Variants in EXOC6B observed in about 807,000 individuals in gnomAD.
The protein encoded by EXOC6B is exocyst complex component 6B, also known as SEC15 homolog B.
A neutral mutation model predicts 113.5 loss-of-function variants in EXOC6B; 54 were observed. The ratio of observed to expected loss-of-function variants is 0.48; its 90% CI spans 0.38 to 0.60. The LOEUF is 0.60. Among genes scored for constraint, EXOC6B ranks in the 20% least tolerant of loss-of-function variants. EXOC6B has a pLI of 0.00. For synonymous variants in EXOC6B, 357 were observed against 339.0 expected (o/e 1.05, Z -0.58); for missense variants, 797 against 977.5 (o/e 0.82, Z 2.46).
In EXOC6B at chr2:72,718,322, G is replaced by C; in HGVS notation, c.465-15C>G. ...CAGGATAATGCCTACAAAAGGAATT[G>C]ATCACCTTTAGCTCACTCAGTTTTC... is the stretch of plus-strand genomic sequence containing the variant. On this transcript the variant is annotated splice_polypyrimidine_tract_variant and intron_variant, in intron 5 of 21. Transcript: ENST00000272427. 6.2e-7 allele frequency: 1 copy of C among 1,611,606 alleles called. No homozygotes were observed. The highest frequency in any genetic ancestry group is 8.5e-7 in the Non-Finnish European group (1 of 1,178,170).
intron 18 of EXOC6B, among the ~76,000 whole-genome samples, chr2:72,403,111 G>A (rs1039413234): frequency 2.6e-5 from 4 of 152,188 alleles, no homozygotes; most frequent in African/African-American, 7.2e-5. Flanking sequence ...TGAAAGATTA[G>A]GGTCTATTTA....
intron 21 of EXOC6B, among the ~76,000 whole-genome samples, chr2:72,180,927 C>T (rs908925609): frequency 7.9e-5 from 12 of 152,238 alleles, no homozygotes; most frequent in East Asian, 1.9e-4. Context: ...AGAATTCTTT[C>T]GGCTGGGCGC....
intron 1 of EXOC6B, among the ~76,000 whole-genome samples, chr2:72,771,632 C>G (rs1683408532): frequency 6.6e-6 from 1 of 152,008 alleles, no homozygotes; most frequent in Non-Finnish European, 1.5e-5. Context: ...TTCTTTTTAT[C>G]TAAACAAGCA....
rs1675965345 is a variant in EXOC6B, at chr2:72,672,511, C to T, written c.669+45592G>A. ...GCAGTGAGTCGAGATCGCGCCACTG[C>T]ACTCCAGCCTGGGGGACAGAGCGAG... On this transcript the variant is annotated intron_variant, in intron 6 of 21. Coordinates refer to ENST00000272427, the MANE Select transcript of EXOC6B (RefSeq NM_015189.3). 5.1e-5 allele frequency among the ~76,000 whole-genome samples: 7 copies of T among 138,218 alleles called. 1 individual carries two copies. Among genetic ancestry groups the T allele is most frequent in the Non-Finnish European group, 1.5e-5 (1 of 65,950 alleles). 90.7% of individuals were successfully genotyped at this position (138,218 alleles called of 152,430 possible). A position where few individuals can be genotyped will look rare whatever the true frequency, so the allele number is the denominator to read the frequency against.
chr2:72,461,292 G>A (rs1004100538), intron 18 of EXOC6B, among the ~76,000 whole-genome samples: 14 of 150,012 alleles, frequency 9.3e-5, no homozygotes, highest in Admixed American at 2.7e-4. Context: ...ACACCAGCAC[G>A]GCACATGTAT....
intron 19 of EXOC6B, among the ~76,000 whole-genome samples, chr2:72,342,232 T>C (rs563082843): frequency 1.3e-5 from 2 of 151,680 alleles, no homozygotes; most frequent in South Asian, 4.2e-4. Flanking sequence ...AAGAACCAAC[T>C]AAGCACAACG....
At chr2:72,718,496 CA>C (rs1298148345) in intron 5 of EXOC6B, among the ~76,000 whole-genome samples, 189 bp from the exon 6 acceptor site, 1 of 151,996 alleles carries the variant, frequency 6.6e-6, no homozygotes, top group Non-Finnish European at 1.5e-5. Context: ...AAATTATAAT[CA>C]AAAAAAGATT....
At chr2:72,803,807 A>C (rs902728706) in intron 1 of EXOC6B, among the ~76,000 whole-genome samples, 1 of 152,156 alleles carries the variant, frequency 6.6e-6, no homozygotes, top group African/African-American at 2.4e-5. Flanking sequence ...CTGCTGTATA[A>C]TTGTCCTAAT....
chr2:72,657,153 C>T (rs1312797429), intron 6 of EXOC6B, among the ~76,000 whole-genome samples: 1 of 150,012 alleles, frequency 6.7e-6, no homozygotes, highest in Non-Finnish European at 1.5e-5. Flanking sequence ...GCCTGGCCAA[C>T]TTAACTTATT....
chr2:72,696,474 G>A (rs928936374), intron 6 of EXOC6B, among the ~76,000 whole-genome samples: 1 of 152,160 alleles, frequency 6.6e-6, no homozygotes, highest in Non-Finnish European at 1.5e-5. Flanking sequence ...TGACACTGCT[G>A]CTTCTTTCAT....
chr2:72,387,368 CTTTTG>C (rs1692096688), intron 18 of EXOC6B, among the ~76,000 whole-genome samples: 3 of 151,936 alleles, frequency 2.0e-5, no homozygotes, highest in Non-Finnish European at 1.5e-5. Context: ...TTAGAAAACC[CTTTTG>C]TTTTGTGAAG....
chr2:72,255,856 G>T (rs1683323219), intron 20 of EXOC6B, among the ~76,000 whole-genome samples: 2 of 152,184 alleles, frequency 1.3e-5, no homozygotes, highest in Admixed American at 1.3e-4. Flanking sequence ...AATGTGTTTT[G>T]CATGTGGAAT....
intron 2 of EXOC6B, among the ~76,000 whole-genome samples, chr2:72,736,465 C>T (rs1280912925): frequency 6.6e-6 from 1 of 152,094 alleles, no homozygotes; most frequent in East Asian, 1.9e-4. Flanking sequence ...AGCAGAGTCT[C>T]CCAGGTGTCC....
chr2:72,233,564 A>G (rs1681765409), intron 20 of EXOC6B, among the ~76,000 whole-genome samples: 1 of 152,128 alleles, frequency 6.6e-6, no homozygotes, highest in Non-Finnish European at 1.5e-5. Flanking sequence ...GTGCTTCTAG[A>G]CTGAGGCAGA....
At chr2:72,819,908 G>A (rs1686488702) in intron 1 of EXOC6B, among the ~76,000 whole-genome samples, 1 of 152,148 alleles carries the variant, frequency 6.6e-6, no homozygotes, top group African/African-American at 2.4e-5. Context: ...CACTTGGGTG[G>A]TAAGTTGCTT....
At chr2:72,509,395 G>A (rs1043276308) in intron 11 of EXOC6B, among the ~76,000 whole-genome samples, 3 of 152,128 alleles carry the variant, frequency 2.0e-5, no homozygotes, top group Non-Finnish European at 4.4e-5. Context: ...TGGAAGTGAT[G>A]AGTCATTTTC....
intron 20 of EXOC6B, among the ~76,000 whole-genome samples, chr2:72,243,639 T>C (rs1395708976): frequency 6.6e-6 from 1 of 152,198 alleles, no homozygotes; most frequent in African/African-American, 2.4e-5. Context: ...AAATACCTAA[T>C]GTGAATGACA....
intron 1 of EXOC6B, among the ~76,000 whole-genome samples, chr2:72,757,351 C>T (rs376951789): frequency 1.1e-4 from 16 of 152,310 alleles, no homozygotes; most frequent in African/African-American, 3.1e-4. Flanking sequence ...CTCTCCCTTG[C>T]ATTCCTGAAA....
At chr2:72,560,673 A>G (rs1202674583) in intron 7 of EXOC6B, among the ~76,000 whole-genome samples, 1 of 152,072 alleles carries the variant, frequency 6.6e-6, no homozygotes, top group African/African-American at 2.4e-5. Context: ...CTTATTGACT[A>G]TTCTGTTCAT....
Sources: gnomAD v4.1 joint callset for allele counts (sites outside exome capture counted in the v4.1 genomes callset) on GRCh38, gnomAD v4.1.1 for gene constraint, MANE v1.5 for transcripts, NCBI Gene and HGNC (gene_info 2026-07-23, HGNC 2026-07-21) for gene names.